The following MED27 variants were observed in gnomAD, a reference collection of about 807,000 sequenced individuals.
The protein encoded by MED27 is mediator complex subunit 27, also known as mediator of RNA polymerase II transcription subunit 27.
MED27 carries 30 observed loss-of-function variants against 38.2 expected under a neutral mutation model. The ratio of observed to expected loss-of-function variants is 0.79; its 90% CI spans 0.59 to 1.07. The LOEUF is 1.07. Ranked by LOEUF, MED27 falls within the 50% of genes least tolerant of loss-of-function variation. The pLI is 0.00. For missense variants in MED27, 289 were observed against 397.5 expected (o/e 0.73, Z 2.32); for synonymous variants, 122 against 153.5 (o/e 0.79, Z 1.52).
chr9:131,919,608 C>T (rs1450473507), intron 4 of MED27, among the ~76,000 whole-genome samples: 1 of 152,024 alleles, frequency 6.6e-6, no homozygotes, highest in African/African-American at 2.4e-5. Flanking sequence ...CCACCCACCT[C>T]CTGGGGTCCC....
intron 4 of MED27, among the ~76,000 whole-genome samples, chr9:131,910,939 T>A (rs912603274): frequency 1.3e-5 from 2 of 151,956 alleles, no homozygotes; most frequent in East Asian, 3.9e-4. Context: ...AGTTACCTCA[T>A]CTGCCACTAG....
intron 3 of MED27, among the ~76,000 whole-genome samples, chr9:131,992,333 C>T (rs1482056472): frequency 6.6e-6 from 1 of 152,186 alleles, no homozygotes; most frequent in East Asian, 1.9e-4. Flanking sequence ...CATCTCAATT[C>T]AAACGGGGAT....
At chr9:132,041,207 G>A (rs749548275) in intron 2 of MED27, among the ~76,000 whole-genome samples, 12 of 152,350 alleles carry the variant, frequency 7.9e-5, no homozygotes, top group Non-Finnish European at 1.5e-4. Context: ...TGAGGGAGAC[G>A]ACAAGCTCGC....
intron 3 of MED27, among the ~76,000 whole-genome samples, chr9:131,978,176 C>T (rs994065666): frequency 1.3e-5 from 2 of 151,862 alleles, no homozygotes; most frequent in African/African-American, 4.8e-5. Flanking sequence ...ACATGTTTAA[C>T]GAAACCAAGG....
At chr9:131,910,384 A>G (rs919726586) in intron 4 of MED27, among the ~76,000 whole-genome samples, 1 of 152,182 alleles carries the variant, frequency 6.6e-6, no homozygotes, top group African/African-American at 2.4e-5. Context: ...GTTGTAAGAG[A>G]ATATAAATGA....
intron 2 of MED27, among the ~76,000 whole-genome samples, chr9:132,071,541 AC>A (rs1300709458): frequency 1.3e-5 from 2 of 151,562 alleles, no homozygotes; most frequent in Admixed American, 1.3e-4. Context: ...AGTAACACAC[AC>A]CCCATGAACG....
At chr9:131,919,711 C>A (rs1435082019) in intron 4 of MED27, among the ~76,000 whole-genome samples, 1 of 152,104 alleles carries the variant, frequency 6.6e-6, no homozygotes, top group African/African-American at 2.4e-5. Flanking sequence ...GCTGAGGAAA[C>A]CTCTAGCATC....
chr9:131,986,398 G>A (rs1831850870), intron 3 of MED27, among the ~76,000 whole-genome samples: 1 of 152,146 alleles, frequency 6.6e-6, no homozygotes, highest in African/African-American at 2.4e-5. Context: ...GCCCAGGCTG[G>A]TTTTGAATTC....
At chr9:131,882,910 CTTT>C (rs112709962) in intron 6 of MED27, among the ~76,000 whole-genome samples, 3 of 141,794 alleles carry the variant, frequency 2.1e-5, no homozygotes, top group Admixed American at 7.1e-5. Flanking sequence ...TCAGTGGATA[CTTT>C]TTTTTTTTTT....
rs892854832 is a variant in MED27, at chr9:131,914,462, T to C, written c.574-20470A>G. Among the ~76,000 whole-genome samples, 9 of 152,220 alleles carry C rather than the reference T, an allele frequency of 5.9e-5. 1 individual carries two copies. In the South Asian group the frequency reaches 1.9e-3, roughly 31 times the overall value. On this transcript the variant is annotated intron_variant, in intron 4 of 7. Coordinates refer to ENST00000292035, the MANE Select transcript of MED27 (RefSeq NM_004269.4). ...ACTGTAAAATGGTGCATTCCTATCATGAATGGTTATTGGGCATTCAGCACG... is the reference window on the plus strand; with the variant it reads ...ACTGTAAAATGGTGCATTCCTATCACGAATGGTTATTGGGCATTCAGCACG...
At chr9:132,020,456 T>G (rs1832693571) in intron 2 of MED27, among the ~76,000 whole-genome samples, 1 of 152,214 alleles carries the variant, frequency 6.6e-6, no homozygotes, top group Admixed American at 6.5e-5. Flanking sequence ...GGATGTGTGT[T>G]GCGACACTGC....
chr9:131,951,021 C>G (rs917247714), intron 3 of MED27, among the ~76,000 whole-genome samples: 1 of 152,194 alleles, frequency 6.6e-6, no homozygotes, highest in Non-Finnish European at 1.5e-5. Context: ...GAGGGCATTA[C>G]TGTAGGGCAG....
chr9:132,026,592 G>A (rs899497930), intron 2 of MED27, among the ~76,000 whole-genome samples: 2 of 152,174 alleles, frequency 1.3e-5, no homozygotes, highest in Non-Finnish European at 2.9e-5. Context: ...CAATAAAAAT[G>A]TGCTGAGAAT....
At position 131,883,040 on chromosome 9, in the gene MED27, T is replaced by C. The variant is rs893265179; in HGVS notation, c.723+1018A>G. 2.6e-5 allele frequency among the ~76,000 whole-genome samples: 4 copies of C among 152,112 alleles called. No individual in the cohort carries two copies. The highest frequency in any genetic ancestry group is 4.8e-5 in the African/African-American group (2 of 41,416). On this transcript the variant is annotated intron_variant, in intron 6 of 7. Transcript: ENST00000292035. The surrounding 1 kb of genome is among the most constrained non-coding windows in gnomAD (Gnocchi z 4.2). ...CTTCTGCCTCAGCCTCCTGAGTAGC[T>C]AGGATTATAGGCGCCCGCCACCATG...
chr9:131,930,821 T>A (rs183922148), intron 4 of MED27, among the ~76,000 whole-genome samples: 1 of 152,104 alleles, frequency 6.6e-6, no homozygotes, highest in Non-Finnish European at 1.5e-5. Flanking sequence ...GGTAGTACAA[T>A]AGGACATAAA....
chr9:132,005,410 G>C (rs1339489791), intron 3 of MED27, among the ~76,000 whole-genome samples: 1 of 152,178 alleles, frequency 6.6e-6, no homozygotes, highest in African/African-American at 2.4e-5. Context: ...GAGAGTGTAC[G>C]CTGGCTTCAA....
intron 4 of MED27, among the ~76,000 whole-genome samples, chr9:131,929,123 G>C (rs772036770): frequency 2.0e-5 from 3 of 152,204 alleles, no homozygotes; most frequent in Non-Finnish European, 4.4e-5. Context: ...TGGGCCAGAA[G>C]GGAATCTGCT....
At chr9:131,895,961 T>C (rs937982401) in intron 4 of MED27, among the ~76,000 whole-genome samples, 2 of 151,584 alleles carry the variant, frequency 1.3e-5, no homozygotes, top group Admixed American at 1.3e-4. Flanking sequence ...TGCAGTGGTG[T>C]GATCTCGGCT....
chr9:131,959,393 G>C (rs7862840), intron 3 of MED27, among the ~76,000 whole-genome samples: 1 of 152,076 alleles, frequency 6.6e-6, no homozygotes, highest in Non-Finnish European at 1.5e-5. Flanking sequence ...CAAGTAACTG[G>C]GTCTTTTGCC....
Sources: gnomAD v4.1 joint callset for allele counts (sites outside exome capture counted in the v4.1 genomes callset) on GRCh38, gnomAD v4.1.1 for gene constraint, Gnocchi (gnomAD v3.1) non-coding constraint, MANE v1.5 for transcripts, NCBI Gene and HGNC (gene_info 2026-07-23, HGNC 2026-07-21) for gene names.